ARIH1: variants seen among roughly 807,000 people sequenced by gnomAD.
ARIH1 encodes ariadne RBR E3 ubiquitin protein ligase 1, also known as E3 ubiquitin-protein ligase ARIH1.
A neutral mutation model predicts 85.0 loss-of-function variants in ARIH1; 8 were observed. That is an observed-to-expected ratio of 0.09 (90% CI 0.06 to 0.17). ARIH1 has a LOEUF of 0.17. Among genes scored for constraint, ARIH1 ranks in the 10% least tolerant of loss-of-function variants. ARIH1 has a pLI of 1.00. For synonymous variants in ARIH1, 238 were observed against 253.6 expected (o/e 0.94, Z 0.59); for missense variants, 311 against 718.1 (o/e 0.43, Z 6.48).
intron 1 of ARIH1, among the ~76,000 whole-genome samples, chr15:72,477,998 G>A (rs1005753968): frequency 3.3e-5 from 5 of 152,094 alleles, no homozygotes; most frequent in African/African-American, 1.2e-4. Context: ...GTGTTACAGG[G>A]TTTCCCCATG....
At chr15:72,575,145 T>TGGCA (rs2064264789) in intron 11 of ARIH1, among the ~76,000 whole-genome samples, 1 of 152,030 alleles carries the variant, frequency 6.6e-6, no homozygotes, top group Admixed American at 6.5e-5. Flanking sequence ...CAAAGACAGG[T>TGGCA]GGCAGCTGGA....
chr15:72,506,029 C>T (rs1314513414), intron 1 of ARIH1, among the ~76,000 whole-genome samples: 2 of 151,692 alleles, frequency 1.3e-5, no homozygotes, highest in African/African-American at 2.4e-5. Flanking sequence ...CCACTGTGCC[C>T]AGCCAATAGT....
At chr15:72,546,126 C>T (rs941169118) in intron 3 of ARIH1, among the ~76,000 whole-genome samples, 1 of 152,124 alleles carries the variant, frequency 6.6e-6, no homozygotes, top group Non-Finnish European at 1.5e-5. Context: ...CAGCCTTCAT[C>T]AGACTCTTGG....
At chr15:72,555,084 A>G (rs187148505) in intron 3 of ARIH1, among the ~76,000 whole-genome samples, 187 bp from the exon 4 acceptor site, 44 of 152,222 alleles carry the variant, frequency 2.9e-4, no homozygotes, top group Middle Eastern at 3.4e-3. Context: ...CCTAAGATGT[A>G]TGTGTGTTCG....
At chr15:72,559,937 A>C (rs908475294) in intron 5 of ARIH1, among the ~76,000 whole-genome samples, 1 of 152,234 alleles carries the variant, frequency 6.6e-6, no homozygotes. Flanking sequence ...TTATGTGAAC[A>C]TATGAACATT....
In ARIH1 at chr15:72,594,975, T is replaced by C. The variant is rs1004548335; in HGVS notation, c.*11683T>C. 2.6e-5 allele frequency: 4 copies of C among 152,170 alleles called. No homozygotes were observed. Among genetic ancestry groups the C allele is most frequent in the African/African-American group, 7.2e-5 (3 of 41,444 alleles). The allele number at this position is 152,170 out of a possible 1,614,324, so 9.4% of individuals were successfully genotyped here. On this transcript the variant is annotated 3_prime_UTR_variant, in exon 14 of 14. Coordinates refer to ENST00000379887, the MANE Select transcript of ARIH1 (RefSeq NM_005744.5). ...AAGTATAATGTTAACTGTAAGTTTTTCACAGACCAGCCCAAAGAAGTTCCT... is the reference window on the plus strand; with the variant it reads ...AAGTATAATGTTAACTGTAAGTTTTCCACAGACCAGCCCAAAGAAGTTCCT...
chr15:72,525,252 G>A (rs71397248), intron 2 of ARIH1, among the ~76,000 whole-genome samples: 2,750 of 152,116 alleles, frequency 0.018, 38 homozygotes, highest in Non-Finnish European at 0.027. Flanking sequence ...AAATTTTTTC[G>A]TTTATAACAT....
chr15:72,593,575 C>T lies in ARIH1; in HGVS notation c.*10283C>T, dbSNP rs2064351287. 1 of 152,078 alleles carries T rather than the reference C, an allele frequency of 6.6e-6. No individual in the cohort carries two copies. The highest frequency in any genetic ancestry group is 2.4e-5 in the African/African-American group (1 of 41,402). The allele number at this position is 152,078 out of a possible 1,614,324, so 9.4% of individuals were successfully genotyped here. The stretch of plus-strand genomic sequence containing the variant: ...TTCCAGCAACATTTACTTAAAAAGA[C>T]TTTTCTTTACCCATTAGATTGACTT... On this transcript the variant is annotated 3_prime_UTR_variant, in exon 14 of 14. Transcript: ENST00000379887.
At chr15:72,537,025 TTA>T (rs1491567181) in intron 2 of ARIH1, among the ~76,000 whole-genome samples, 1 of 152,210 alleles carries the variant, frequency 6.6e-6, no homozygotes, top group Non-Finnish European at 1.5e-5. Flanking sequence ...CCATTTTTTT[TTA>T]GAGATTAGCT....
In ARIH1 at chr15:72,531,794, T is replaced by C. The variant is rs138104994; in HGVS notation, c.444-13026T>C. Reference sequence around the variant, plus strand: ...TAGAATACTATGTTCATGGAAAATATATTCATAAACAGTATGTTTTAATTA... The same window carrying C: ...TAGAATACTATGTTCATGGAAAATACATTCATAAACAGTATGTTTTAATTA... On this transcript the variant is annotated intron_variant, in intron 2 of 13. Coordinates refer to ENST00000379887, the MANE Select transcript of ARIH1 (RefSeq NM_005744.5). Among the ~76,000 whole-genome samples, 193 of 152,336 alleles carry C rather than the reference T, an allele frequency of 1.3e-3. 1 individual carries two copies. Among genetic ancestry groups the C allele is most frequent in the African/African-American group, 4.5e-3 (187 of 41,574 alleles).
chr15:72,536,591 G>A (rs1023664002), intron 2 of ARIH1, among the ~76,000 whole-genome samples: 2 of 152,136 alleles, frequency 1.3e-5, no homozygotes, highest in African/African-American at 4.8e-5. Context: ...TTTTTCTGTA[G>A]TAAATGGGTA....
Position 72,580,925 on chromosome 15 carries a change from C to G in ARIH1, c.1410C>G (p.Ala470=). 1.2e-6 allele frequency: 2 copies of G among 1,614,104 alleles called. No homozygotes were observed. The highest frequency in any genetic ancestry group is 1.7e-6 in the Non-Finnish European group (2 of 1,179,980). ...KAVDVLCQCR[A]TLMYTYVFAF... ...TTGATGTCCTCTGCCAGTGTCGTGC[C>G]ACACTCATGTACACTTATGTCTTCG... Residue 470 remains alanine (A), a synonymous_variant, in exon 12 of 14, where the codon GCC becomes GCG. Coordinates refer to ENST00000379887, the MANE Select transcript of ARIH1 (RefSeq NM_005744.5).
rs565513383 is a variant in ARIH1, at chr15:72,583,125, G to A, written c.1590-83G>A. The stretch of plus-strand genomic sequence containing the variant: ...GTTCCGAGTCTGGATAAACTATAGG[G>A]ATGCCTTAAAAATAAGTAAATGCCT... On this transcript the variant is annotated intron_variant, in intron 13 of 13. Coordinates refer to ENST00000379887, the MANE Select transcript of ARIH1 (RefSeq NM_005744.5). The A allele has an allele frequency of 7.5e-6, 8 of 1,062,842 alleles. No individual in the cohort carries two copies. In the African/African-American group the frequency reaches 8.0e-5, roughly 11 times the overall value. 65.8% of individuals were successfully genotyped at this position (1,062,842 alleles called of 1,614,324 possible).
intron 1 of ARIH1, among the ~76,000 whole-genome samples, chr15:72,504,198 G>T (rs1025269420): frequency 3.3e-5 from 5 of 152,130 alleles, no homozygotes; most frequent in African/African-American, 9.7e-5. Context: ...GGGATTACAG[G>T]TACCCGCCAC....
At chr15:72,487,568 T>C (rs934241073) in intron 1 of ARIH1, among the ~76,000 whole-genome samples, 2 of 152,190 alleles carry the variant, frequency 1.3e-5, no homozygotes, top group African/African-American at 2.4e-5. Context: ...TTGAGGCTTT[T>C]CCCCCTTTTA....
chr15:72,558,806 G>A (rs552837339), intron 5 of ARIH1, among the ~76,000 whole-genome samples: 3 of 152,236 alleles, frequency 2.0e-5, no homozygotes, highest in African/African-American at 7.2e-5. Context: ...TTGCTCTCAC[G>A]TCCTGGTGGT....
In ARIH1 at chr15:72,578,816, G is replaced by GTTTTTT. The variant is rs11385438; in HGVS notation, c.1216-1911_1216-1910insTTTTTT. 2.1e-5 allele frequency among the ~76,000 whole-genome samples: 3 copies of GTTTTTT among 140,930 alleles called. 1 individual carries two copies. The highest frequency in any genetic ancestry group is 2.6e-5 in the African/African-American group (1 of 38,654). 92.5% of individuals were successfully genotyped at this position (140,930 alleles called of 152,430 possible). A position where few individuals can be genotyped will look rare whatever the true frequency, so the allele number is the denominator to read the frequency against. ...ATTTTGCTTTTTTTTGTTTTTTGGT[G>GTTTTTT]TTTTGTTTTTTTTTTTCAGAGGTAG... On this transcript the variant is annotated intron_variant, in intron 11 of 13. Coordinates refer to ENST00000379887, the MANE Select transcript of ARIH1 (RefSeq NM_005744.5).
At chr15:72,475,208 G>A in intron 1 of ARIH1, 194 bp downstream of exon 1, 1 of 1,248,820 alleles carries the variant, frequency 8.0e-7, no homozygotes, top group Middle Eastern at 3.0e-4. Flanking sequence ...CCGGGTGTGG[G>A]GAGGTGCGCT....
intron 3 of ARIH1, among the ~76,000 whole-genome samples, chr15:72,555,030 C>T (rs1380029065): frequency 6.6e-6 from 1 of 152,120 alleles, no homozygotes; most frequent in African/African-American, 2.4e-5. Context: ...TTCATATGCT[C>T]ATTTGTCTTT....
Sources: gnomAD v4.1 joint callset for allele counts (sites outside exome capture counted in the v4.1 genomes callset) on GRCh38, gnomAD v4.1.1 for gene constraint, MANE v1.5 for transcripts, NCBI Gene and HGNC (gene_info 2026-07-23, HGNC 2026-07-21) for gene names.